The following HSD17B12 variants were observed in gnomAD, a reference collection of about 807,000 sequenced individuals.
HSD17B12 encodes the protein very-long-chain 3-oxoacyl-CoA reductase.
Under a neutral mutation model 39.3 loss-of-function variants are expected in HSD17B12, and 32 were observed. The observed-to-expected ratio is 0.81, with a 90% confidence interval of 0.61 to 1.09. The LOEUF is 1.09. HSD17B12 is among the 50% of genes least tolerant of loss of function. The pLI, the probability that HSD17B12 is intolerant of heterozygous loss-of-function variation, is 0.00. For synonymous variants in HSD17B12, 150 were observed against 146.7 expected, an observed-to-expected ratio of 1.02 and a Z score of -0.16; for missense variants, 342 against 382.9, an observed-to-expected ratio of 0.89 and a Z score of 0.89.
chr11:43,781,238 C>T (rs567645004), intron 3 of HSD17B12, among the ~76,000 whole-genome samples: 10 of 152,200 alleles, frequency 6.6e-5, no homozygotes, highest in East Asian at 1.9e-4. Context: ...GTGCCCTTAA[C>T]GCTATGTTTT....
At chr11:43,746,436 A>C (rs1032988305) in intron 1 of HSD17B12, among the ~76,000 whole-genome samples, 8 of 152,222 alleles carry the variant, frequency 5.3e-5, no homozygotes, top group African/African-American at 1.9e-4. Context: ...CTGGGCCTAC[A>C]CCAGGTCAGG....
chr11:43,719,531 A>C (rs1047290636), intron 1 of HSD17B12, among the ~76,000 whole-genome samples: 1 of 151,458 alleles, frequency 6.6e-6, no homozygotes, highest in African/African-American at 2.4e-5. Context: ...TTCAGGTAGC[A>C]TTTTGTCCTC....
the HSD17B12 span, among the ~76,000 whole-genome samples, chr11:43,594,683 C>T: frequency 6.6e-6 from 1 of 152,220 alleles, no homozygotes; most frequent in South Asian, 2.1e-4. Context: ...AGCTCTCATG[C>T]TCCTCCTGTG....
chr11:43,623,885 T>C, the HSD17B12 span, among the ~76,000 whole-genome samples: 1 of 151,976 alleles, frequency 6.6e-6, no homozygotes, highest in Non-Finnish European at 1.5e-5. Context: ...TGAGATTACA[T>C]GTGGAATATA....
intron 1 of HSD17B12, chr11:43,733,936 T>A: frequency 1.4e-6 from 1 of 695,848 alleles, no homozygotes; most frequent in Non-Finnish European, 2.7e-6. Flanking sequence ...TCTCATCCCA[T>A]GGGTACAGAA....
At chr11:43,719,255 AAC>A in intron 1 of HSD17B12, 1 of 537,704 alleles carries the variant, frequency 1.9e-6, no homozygotes, top group South Asian at 1.9e-5. Flanking sequence ...TTGACATTGT[AAC>A]AGGGCTTGGT....
At chr11:43,845,305 G>A (rs547784380) in intron 9 of HSD17B12, among the ~76,000 whole-genome samples, 1 of 152,330 alleles carries the variant, frequency 6.6e-6, no homozygotes. Flanking sequence ...ATTCTCATAT[G>A]TAACCACAAT....
upstream of HSD17B12, among the ~76,000 whole-genome samples, chr11:43,676,998 G>A (rs548263722): frequency 8.5e-5 from 13 of 152,282 alleles, no homozygotes; most frequent in African/African-American, 2.9e-4. Context: ...AGTTGAGGAC[G>A]AAGAGTGGTG....
chr11:43,813,537 TTTTG>T (rs147623853), intron 4 of HSD17B12, among the ~76,000 whole-genome samples: 34,462 of 151,940 alleles, frequency 0.23, 4,142 homozygotes, highest in Middle Eastern at 0.37. Context: ...ATAAAGAATA[TTTTG>T]TTTATGTGCA....
chr11:43,616,423 AAC>A, the HSD17B12 span, among the ~76,000 whole-genome samples: 293 of 136,664 alleles, frequency 2.1e-3, 41 homozygotes, highest in Middle Eastern at 7.1e-3. Flanking sequence ...AAAAACAAAA[AAC>A]AAAAAAAAAA....
chr11:43,599,215 T>A, the HSD17B12 span, among the ~76,000 whole-genome samples: 2 of 152,300 alleles, frequency 1.3e-5, no homozygotes, highest in African/African-American at 4.8e-5. Context: ...TCGGTGTGAT[T>A]TTTTTCCTAA....
intron 1 of HSD17B12, among the ~76,000 whole-genome samples, chr11:43,744,352 A>G (rs1347874476): frequency 6.6e-6 from 1 of 151,758 alleles, no homozygotes; most frequent in Non-Finnish European, 1.5e-5. Flanking sequence ...AAAAGCCCCA[A>G]TGATAAAAAA....
chr11:43,717,584 G>A (rs1463111587), intron 1 of HSD17B12, among the ~76,000 whole-genome samples: 1 of 152,040 alleles, frequency 6.6e-6, no homozygotes, highest in Non-Finnish European at 1.5e-5. Context: ...GGGGGTAGAG[G>A]GTTCACGATG....
chr11:43,840,187 C>A, intron 9 of HSD17B12, 123 bp downstream of exon 9: 1 of 682,862 alleles, frequency 1.5e-6, no homozygotes, highest in Non-Finnish European at 2.4e-6. Context: ...CATTAGCACA[C>A]CATTAAAAAC....
chr11:43,657,612 C>T, the HSD17B12 span, among the ~76,000 whole-genome samples: 1 of 152,124 alleles, frequency 6.6e-6, no homozygotes, highest in African/African-American at 2.4e-5. Flanking sequence ...GACAAAATCT[C>T]TCAGCATTTG....
intron 1 of HSD17B12, among the ~76,000 whole-genome samples, chr11:43,726,562 C>T (rs1251324522): frequency 2.0e-5 from 3 of 152,192 alleles, no homozygotes; most frequent in South Asian, 2.1e-4. Context: ...CACACATATA[C>T]CTTACCCAGC....
intron 9 of HSD17B12, among the ~76,000 whole-genome samples, chr11:43,847,442 C>T (rs1272126915): frequency 3.9e-5 from 6 of 152,180 alleles, no homozygotes; most frequent in South Asian, 2.1e-4. Context: ...CGGTGGCTCA[C>T]GCCTATAATC....
At chr11:43,733,895 A>G (rs1424924903) in intron 1 of HSD17B12, 34 of 683,864 alleles carry the variant, frequency 5.0e-5, no homozygotes, top group African/African-American at 1.8e-5. Flanking sequence ...CATGGAGTAC[A>G]GGACATTGTA....
chr11:43,780,791 G>T (rs911737087), intron 3 of HSD17B12, among the ~76,000 whole-genome samples: 1 of 152,028 alleles, frequency 6.6e-6, no homozygotes, highest in South Asian at 2.1e-4. Flanking sequence ...GTTGCCTGTG[G>T]TACATCTTTT....
Sources: gnomAD v4.1 joint callset for allele counts (sites outside exome capture counted in the v4.1 genomes callset) on GRCh38, gnomAD v4.1.1 for gene constraint, MANE v1.5 for transcripts, NCBI Gene and HGNC (gene_info 2026-07-23, HGNC 2026-07-21) for gene names.